Variants in GRID2 observed in about 807,000 individuals in gnomAD.
The protein encoded by GRID2 is glutamate ionotropic receptor delta type subunit 2, also known as glutamate receptor ionotropic, delta-2.
A neutral mutation model predicts 114.8 loss-of-function variants in GRID2; 33 were observed. The observed-to-expected ratio is 0.29, with a 90% CI of 0.22 to 0.38. The LOEUF is 0.38. GRID2 is among the 10% of genes least tolerant of loss of function. The pLI is 1.00. For synonymous variants in GRID2, 505 were observed against 449.9 expected (o/e 1.12, Z -1.55); for missense variants, 1,184 against 1,257.7 (o/e 0.94, Z 0.89).
At chr4:92,564,145 C>T (rs1226653102) in intron 1 of GRID2, among the ~76,000 whole-genome samples, 2 of 151,752 alleles carry the variant, frequency 1.3e-5, no homozygotes, top group Admixed American at 1.3e-4. Flanking sequence ...AGTCTATACA[C>T]CAAATGAAAT....
intron 2 of GRID2, among the ~76,000 whole-genome samples, chr4:92,925,553 T>C (rs1749747373): frequency 6.6e-6 from 1 of 152,044 alleles, no homozygotes; most frequent in Non-Finnish European, 1.5e-5. Flanking sequence ...CTTTATGATA[T>C]TTACATGTTG....
chr4:93,726,775 G>A (rs1315451144), intron 14 of GRID2, among the ~76,000 whole-genome samples: 2 of 152,008 alleles, frequency 1.3e-5, no homozygotes, highest in Admixed American at 6.5e-5. Context: ...CTCATGATTT[G>A]GCTCTCTGTT....
At chr4:93,412,722 A>G (rs772259809) in intron 9 of GRID2, among the ~76,000 whole-genome samples, 8 of 152,134 alleles carry the variant, frequency 5.3e-5, no homozygotes, top group Middle Eastern at 3.4e-3. Context: ...TGCATTAGGT[A>G]TTTGTCTTAA....
At position 92,442,419 on chromosome 4, in the gene GRID2, A is replaced by C. The variant is rs544500507; in HGVS notation, c.88+137675A>C. 2.2e-3 allele frequency among the ~76,000 whole-genome samples: 340 copies of C among 151,866 alleles called. 2 individuals are homozygous for C. Among genetic ancestry groups the C allele is most frequent in the African/African-American group, 2.6e-3 (107 of 41,502 alleles). ...TGGCCCGGTGGCCAGATTTCCGGCA[A>C]GTGTAGCAAGCTCCTTGGGGAGGAG... On this transcript the variant is annotated intron_variant, in intron 1 of 15. Transcript: ENST00000282020.
chr4:92,523,569 G>A (rs1238074154), intron 1 of GRID2, among the ~76,000 whole-genome samples: 3 of 152,004 alleles, frequency 2.0e-5, no homozygotes, highest in Admixed American at 1.3e-4. Flanking sequence ...TTATAGCAAG[G>A]AAAGTCATGA....
chr4:92,726,363 A>T (rs1736069726), intron 2 of GRID2, among the ~76,000 whole-genome samples: 1 of 152,114 alleles, frequency 6.6e-6, no homozygotes, highest in Non-Finnish European at 1.5e-5. Flanking sequence ...AACGTCACTC[A>T]GACTATAGGA....
intron 2 of GRID2, among the ~76,000 whole-genome samples, chr4:92,643,024 G>A (rs1468754449): frequency 6.6e-6 from 1 of 151,742 alleles, no homozygotes; most frequent in East Asian, 1.9e-4. Flanking sequence ...TTGACGTTAA[G>A]TAATGTGATG....
intron 2 of GRID2, among the ~76,000 whole-genome samples, chr4:92,680,876 T>G (rs1733616687): frequency 6.6e-6 from 1 of 152,174 alleles, no homozygotes. Flanking sequence ...CAGAATTACT[T>G]AGGTGATTGG....
intron 1 of GRID2, among the ~76,000 whole-genome samples, chr4:92,437,238 T>C (rs115772994): frequency 1.1e-3 from 165 of 152,276 alleles, no homozygotes; most frequent in African/African-American, 3.8e-3. Context: ...CGACGAATGA[T>C]TGGAAAAAAA....
intron 2 of GRID2, among the ~76,000 whole-genome samples, chr4:92,748,878 G>T (rs930537125): frequency 1.3e-5 from 2 of 151,886 alleles, no homozygotes; most frequent in African/African-American, 4.8e-5. Context: ...TGGCCAGGCA[G>T]GTCTCGAACT....
intron 14 of GRID2, among the ~76,000 whole-genome samples, chr4:93,632,365 C>A (rs1467693728): frequency 6.6e-6 from 1 of 152,180 alleles, no homozygotes; most frequent in African/African-American, 2.4e-5. Context: ...ACATTGAAGT[C>A]TTTGATCCAT....
chr4:93,129,406 A>T (rs957144410), intron 4 of GRID2, among the ~76,000 whole-genome samples: 1 of 152,040 alleles, frequency 6.6e-6, no homozygotes, highest in Admixed American at 6.6e-5. Flanking sequence ...ATAGTGCAGG[A>T]TCCCCCAGGT....
chr4:93,026,264 A>G (rs1182183029), intron 2 of GRID2, among the ~76,000 whole-genome samples: 6 of 151,786 alleles, frequency 4.0e-5, no homozygotes, highest in Non-Finnish European at 8.9e-5. Flanking sequence ...TTTGCTTTGT[A>G]GCTTAATTTT....
At chr4:93,113,812 TA>T (rs1245347104) in intron 4 of GRID2, among the ~76,000 whole-genome samples, 1 of 151,986 alleles carries the variant, frequency 6.6e-6, no homozygotes, top group African/African-American at 2.4e-5. Context: ...AGTTGAGCGT[TA>T]AAGGACATGT....
intron 8 of GRID2, among the ~76,000 whole-genome samples, chr4:93,316,340 GAAGGAAGGAAGGAAGGAAGGAAAAGAA>G (rs1756649939): frequency 2.4e-5 from 3 of 123,738 alleles, no homozygotes; most frequent in Non-Finnish European, 3.5e-5. Flanking sequence ...AAGAAAGAAA[GAAGGAAGGAAGGAAGGAAGGAAAAGAA>G]AAAGAAAGAA....
In GRID2 at chr4:92,353,478, C is replaced by T. The variant is rs370457484; in HGVS notation, c.88+48734C>T. On this transcript the variant is annotated intron_variant, in intron 1 of 15. Coordinates refer to ENST00000282020, the MANE Select transcript of GRID2 (RefSeq NM_001510.4). ...TGGAGATTAAATTCTCCTCCTTCCT[C>T]AGGGTTTGTTGTTATTTTTGTTTTT... 5.3e-5 allele frequency among the ~76,000 whole-genome samples: 8 copies of T among 151,952 alleles called. No homozygotes were observed. The East Asian group carries it at 1.2e-3, about 22-fold the overall frequency.
intron 1 of GRID2, among the ~76,000 whole-genome samples, chr4:92,371,649 G>T (rs1231667762): frequency 6.6e-6 from 1 of 152,130 alleles, no homozygotes; most frequent in Non-Finnish European, 1.5e-5. Flanking sequence ...TGGACCTCAT[G>T]ACTTGACGGC....
At chr4:92,946,353 A>G (rs940990827) in intron 2 of GRID2, among the ~76,000 whole-genome samples, 3 of 151,916 alleles carry the variant, frequency 2.0e-5, no homozygotes, top group Admixed American at 1.3e-4. Context: ...TCTCTTGCCT[A>G]TCTCATAGCC....
At chr4:93,700,415 A>G (rs963983407) in intron 14 of GRID2, among the ~76,000 whole-genome samples, 1 of 152,146 alleles carries the variant, frequency 6.6e-6, no homozygotes, top group African/African-American at 2.4e-5. Context: ...GACTCAATTA[A>G]TTGTCAATCT....
Sources: allele counts gnomAD v4.1 joint callset (sites outside exome capture counted in the v4.1 genomes callset), GRCh38; gene constraint gnomAD v4.1.1; transcripts MANE v1.5; gene names NCBI Gene and HGNC (gene_info 2026-07-23, HGNC 2026-07-21).